The following TMEM108 variants were observed in gnomAD, a reference collection of about 807,000 sequenced individuals.
TMEM108 encodes cancer/testis antigen 124.
Under a neutral mutation model 35.1 loss-of-function variants are expected in TMEM108, and 12 were observed. The observed-to-expected ratio is 0.34, with a 90% CI of 0.22 to 0.55. The LOEUF is 0.55. TMEM108 is among the 20% of genes least tolerant of loss of function. TMEM108 has a pLI of 0.89. For missense variants in TMEM108, 680 were observed against 753.3 expected (o/e 0.90, Z 1.14); for synonymous variants, 287 against 308.6 (o/e 0.93, Z 0.73).
At chr3:133,127,745 C>T (rs1323204816) in intron 2 of TMEM108, among the ~76,000 whole-genome samples, 1 of 152,184 alleles carries the variant, frequency 6.6e-6, no homozygotes, top group Non-Finnish European at 1.5e-5. Flanking sequence ...TCAATTTCCA[C>T]ATTTGGCCTT....
At chr3:133,174,064 C>G (rs988440588) in intron 2 of TMEM108, among the ~76,000 whole-genome samples, 3 of 152,226 alleles carry the variant, frequency 2.0e-5, no homozygotes, top group East Asian at 3.8e-4. Context: ...CCTATTCCCA[C>G]GGAGCCTTGC....
rs1160324029 is a variant in TMEM108 at position 133,175,536 on chromosome 3, G to A, written c.-46-53730G>A. On this transcript the variant is annotated intron_variant, in intron 2 of 5. Transcript: ENST00000321871. ...CAATATTCAACATTCTTAAAGAAAA[G>A]AATTTTCAACCCAGAATTTCATATC... is the stretch of plus-strand genomic sequence containing the variant. Among the ~76,000 whole-genome samples the A allele has an allele frequency of 6.6e-5, 10 of 152,196 alleles. No individual in the cohort carries two copies. In the East Asian group the frequency reaches 1.9e-3, roughly 29 times the overall value.
At chr3:133,371,262 C>T (rs1795101) in intron 3 of TMEM108, among the ~76,000 whole-genome samples, 13,915 of 152,142 alleles carry the variant, frequency 0.091, 1,061 homozygotes, top group East Asian at 0.35. Flanking sequence ...ATTCATTTTG[C>T]TCATAAGTCT....
At chr3:133,311,878 C>A (rs529301878) in intron 3 of TMEM108, among the ~76,000 whole-genome samples, 60 of 152,242 alleles carry the variant, frequency 3.9e-4, no homozygotes, top group African/African-American at 1.4e-3. Flanking sequence ...ATGATGGTGA[C>A]CTACAGATGG....
At chr3:133,249,213 G>A (rs770442926) in intron 3 of TMEM108, among the ~76,000 whole-genome samples, 21 of 152,220 alleles carry the variant, frequency 1.4e-4, no homozygotes, top group Non-Finnish European at 2.5e-4. Flanking sequence ...GATGTGATAG[G>A]AGGAAGAGAC....
At chr3:133,176,512 C>A (rs1945231742) in intron 2 of TMEM108, among the ~76,000 whole-genome samples, 1 of 152,206 alleles carries the variant, frequency 6.6e-6, no homozygotes, top group Non-Finnish European at 1.5e-5. Flanking sequence ...GATTCAGAAA[C>A]TCAGTCAAAA....
intron 3 of TMEM108, among the ~76,000 whole-genome samples, chr3:133,286,657 T>C (rs1410790934): frequency 6.6e-6 from 1 of 152,230 alleles, no homozygotes; most frequent in Non-Finnish European, 1.5e-5. Flanking sequence ...TTTTCAACAA[T>C]TCTGAAAATT....
chr3:133,041,484 C>T (rs1480854199), intron 1 of TMEM108, among the ~76,000 whole-genome samples: 2 of 152,128 alleles, frequency 1.3e-5, no homozygotes, highest in Non-Finnish European at 2.9e-5. Flanking sequence ...AGTGTGTAGC[C>T]TCTAGTCAGA....
intron 4 of TMEM108, chr3:133,388,769 G>A: frequency 2.0e-6 from 2 of 985,452 alleles, no homozygotes; most frequent in Non-Finnish European, 2.4e-6. Context: ...TCCCCAGGCA[G>A]CCTACAGGGC....
intron 2 of TMEM108, among the ~76,000 whole-genome samples, chr3:133,127,825 TA>T (rs1365145304): frequency 6.6e-6 from 1 of 152,252 alleles, no homozygotes; most frequent in Non-Finnish European, 1.5e-5. Context: ...TAAGATCATG[TA>T]TATCAAGGTC....
At chr3:133,395,453 G>A (rs1464883694) in intron 5 of TMEM108, among the ~76,000 whole-genome samples, 1 of 152,206 alleles carries the variant, frequency 6.6e-6, no homozygotes, top group Admixed American at 6.5e-5. Context: ...GAAAGAGGCA[G>A]GAAGTAGTCT....
At chr3:133,151,889 G>C (rs1944806227) in intron 2 of TMEM108, among the ~76,000 whole-genome samples, 1 of 152,102 alleles carries the variant, frequency 6.6e-6, no homozygotes, top group Admixed American at 6.6e-5. Flanking sequence ...CACTTCAGTT[G>C]TCTCTTTCTA....
rs567662619 is a variant in TMEM108, at chr3:133,340,774, A to G, written c.41-38978A>G. 2.6e-5 allele frequency among the ~76,000 whole-genome samples: 4 copies of G among 151,986 alleles called. No homozygotes were observed. The South Asian group carries it at 8.3e-4, about 31-fold the overall frequency. On this transcript the variant is annotated intron_variant, in intron 3 of 5. Transcript: ENST00000321871. ...GGATGCAAGGATAATGCACAAATCA[A>G]TTAATGTAAAACATAATATTAACAG...
At chr3:133,049,581 A>G (rs1943379648) in intron 2 of TMEM108, among the ~76,000 whole-genome samples, 1 of 152,198 alleles carries the variant, frequency 6.6e-6, no homozygotes. Context: ...CTGTGACTCT[A>G]TCTTGCTGAA....
In TMEM108 at chr3:133,065,420, C is replaced by T. The variant is rs548949455; in HGVS notation, c.-47+19400C>T. Reference sequence around the variant, plus strand: ...CTTTCCCAGCTATGGTAAATAAGTGCGGTTAGTCTGATCTCTCCACCTCTG... The same window carrying T: ...CTTTCCCAGCTATGGTAAATAAGTGTGGTTAGTCTGATCTCTCCACCTCTG... On this transcript the variant is annotated intron_variant, in intron 2 of 5. Transcript: ENST00000321871. Among the ~76,000 whole-genome samples the T allele has an allele frequency of 4.6e-5, 7 of 152,152 alleles. No homozygotes were observed. The South Asian group carries it at 8.3e-4, about 18-fold the overall frequency.
At chr3:133,179,897 C>G (rs1368854892) in intron 2 of TMEM108, among the ~76,000 whole-genome samples, 1 of 149,628 alleles carries the variant, frequency 6.7e-6, no homozygotes, top group Non-Finnish European at 1.5e-5. Flanking sequence ...AAAAAAAATG[C>G]AACCCCTTAT....
intron 2 of TMEM108, among the ~76,000 whole-genome samples, chr3:133,202,984 G>C (rs1945693560): frequency 6.6e-6 from 1 of 152,116 alleles, no homozygotes; most frequent in African/African-American, 2.4e-5. Context: ...GTGGTTTGTA[G>C]TTCTCCTTGA....
intron 3 of TMEM108, among the ~76,000 whole-genome samples, chr3:133,280,819 C>T (rs1171103552): frequency 2.6e-5 from 4 of 152,192 alleles, no homozygotes; most frequent in Non-Finnish European, 5.9e-5. Context: ...CAGATGACCT[C>T]ATTTGAGACT....
intron 2 of TMEM108, among the ~76,000 whole-genome samples, chr3:133,156,055 T>C (rs565442221): frequency 6.9e-6 from 1 of 144,336 alleles, no homozygotes; most frequent in South Asian, 2.2e-4. Context: ...ATCTTGTTTT[T>C]ATTTTTTCTT....
Sources: gnomAD v4.1 joint callset for allele counts (sites outside exome capture counted in the v4.1 genomes callset) on GRCh38, gnomAD v4.1.1 for gene constraint, MANE v1.5 for transcripts, NCBI Gene and HGNC (gene_info 2026-07-23, HGNC 2026-07-21) for gene names.